The following MLIP variants were observed in gnomAD, a reference collection of about 807,000 sequenced individuals.
MLIP encodes the protein muscular LMNA-interacting protein.
MLIP carries 79 observed loss-of-function variants against 84.8 expected under a neutral mutation model. The ratio of observed to expected loss-of-function variants is 0.93; its 90% CI spans 0.78 to 1.12. The LOEUF (loss-of-function observed/expected upper bound fraction) is 1.12, where lower values mean the gene tolerates loss of function less well. MLIP is among the 50% of genes most tolerant of loss of function. The pLI is 0.00. For synonymous variants in MLIP, 504 were observed against 463.0 expected (o/e 1.09, Z -1.14); for missense variants, 1,257 against 1,160.6 (o/e 1.08, Z -1.21).
intron 1 of MLIP, among the ~76,000 whole-genome samples, chr6:54,030,319 AT>A (rs1049144775): frequency 8.5e-5 from 13 of 152,220 alleles, no homozygotes; most frequent in Non-Finnish European, 1.9e-4. Context: ...AGAGGTAAAA[AT>A]AAATGCTAAA....
intron 8 of MLIP, among the ~76,000 whole-genome samples, chr6:54,168,299 T>C (rs1160730417): frequency 2.0e-5 from 3 of 151,842 alleles, no homozygotes; most frequent in East Asian, 2.0e-4. Context: ...TTCTCAACAT[T>C]GATCATCTAA....
chr6:54,215,029 C>G (rs1190505204), intron 11 of MLIP: 2 of 690,610 alleles, frequency 2.9e-6, no homozygotes, highest in East Asian at 5.9e-5. Context: ...AGCTTAGATT[C>G]TAGTAAGTTC....
intron 12 of MLIP, among the ~76,000 whole-genome samples, chr6:54,239,382 A>AAT (rs941600506): frequency 5.7e-5 from 8 of 141,452 alleles, no homozygotes; most frequent in African/African-American, 2.3e-4. Context: ...ATATATATAT[A>AAT]ATATATATAT....
chr6:54,207,308 C>A (rs181792080), intron 11 of MLIP, among the ~76,000 whole-genome samples: 2 of 151,330 alleles, frequency 1.3e-5, no homozygotes, highest in East Asian at 3.9e-4. Flanking sequence ...TAGTATATAT[C>A]TTTTTTAAAA....
intron 1 of MLIP, among the ~76,000 whole-genome samples, chr6:54,116,183 C>T (rs1769904389): frequency 2.0e-5 from 3 of 151,910 alleles, no homozygotes; most frequent in Admixed American, 2.0e-4. Context: ...AAAAGGGTGG[C>T]AGGGATTGAA....
At chr6:54,116,624 C>T (rs1769945975) in intron 1 of MLIP, among the ~76,000 whole-genome samples, 1 of 152,118 alleles carries the variant, frequency 6.6e-6, no homozygotes, top group African/African-American at 2.4e-5. Flanking sequence ...TGAAGAAAGG[C>T]CCAGACCTGA....
At chr6:54,265,351 T>A (rs1783625943) in intron 13 of MLIP, among the ~76,000 whole-genome samples, 1 of 152,012 alleles carries the variant, frequency 6.6e-6, no homozygotes, top group African/African-American at 2.4e-5. Flanking sequence ...TTCAACCCTA[T>A]CATATAGGAA....
chr6:54,210,137 T>TCACCTCACCTCACCGCACCG (rs1554185042), intron 11 of MLIP, among the ~76,000 whole-genome samples: 53 of 151,804 alleles, frequency 3.5e-4, no homozygotes, highest in South Asian at 6.3e-4. Context: ...CCACCTCACC[T>TCACCTCACCTCACCGCACCG]CACCGCACCG....
intron 12 of MLIP, among the ~76,000 whole-genome samples, chr6:54,232,238 A>G (rs1318082588): frequency 1.3e-5 from 2 of 152,138 alleles, no homozygotes; most frequent in East Asian, 1.9e-4. Flanking sequence ...TTTCTTATAA[A>G]TTGTCATCTA....
chr6:54,077,443 C>T (rs1582086003), intron 1 of MLIP, among the ~76,000 whole-genome samples: 1 of 151,406 alleles, frequency 6.6e-6, no homozygotes, highest in Non-Finnish European at 1.5e-5. Context: ...CTAATTTAGA[C>T]CATTACTTGC....
intron 9 of MLIP, among the ~76,000 whole-genome samples, chr6:54,184,830 A>G (rs913892407): frequency 2.0e-5 from 3 of 152,166 alleles, no homozygotes; most frequent in Non-Finnish European, 1.5e-5. Flanking sequence ...TATGATTAAA[A>G]CAATGTCAAA....
At chr6:54,044,320 T>C (rs1764911166) in intron 1 of MLIP, among the ~76,000 whole-genome samples, 1 of 152,252 alleles carries the variant, frequency 6.6e-6, no homozygotes, top group Non-Finnish European at 1.5e-5. Flanking sequence ...CCTCCACTGA[T>C]GTGCCTTGAG....
chr6:54,252,458 A>G (rs1782695872), intron 12 of MLIP, among the ~76,000 whole-genome samples: 1 of 135,870 alleles, frequency 7.4e-6, no homozygotes, highest in South Asian at 2.2e-4. Context: ...AGTATATTAT[A>G]ACATATAATA....
chr6:54,168,997 A>G (rs975138630), intron 8 of MLIP, among the ~76,000 whole-genome samples: 1 of 151,642 alleles, frequency 6.6e-6, no homozygotes, highest in African/African-American at 2.4e-5. Context: ...AAGGTCAGTG[A>G]TTTGGAAGTC....
chr6:54,109,203 T>C (rs1022707664), upstream of MLIP, among the ~76,000 whole-genome samples: 1 of 124,690 alleles, frequency 8.0e-6, no homozygotes, highest in African/African-American at 3.0e-5. Flanking sequence ...TCAAGATCTT[T>C]GATGACCTAC....
chr6:54,150,148 A>C (rs1405704763), intron 5 of MLIP, among the ~76,000 whole-genome samples: 1 of 152,148 alleles, frequency 6.6e-6, no homozygotes, highest in Admixed American at 6.5e-5. Context: ...CTCTTATCTA[A>C]TAAGTAGGAA....
intron 3 of MLIP, among the ~76,000 whole-genome samples, chr6:54,129,271 A>G (rs995304127): frequency 1.3e-5 from 2 of 152,136 alleles, no homozygotes; most frequent in Non-Finnish European, 2.9e-5. Context: ...ACTTATTACA[A>G]TAGCCTTCAT....
chr6:54,022,123 G>T (rs1763529864), intron 1 of MLIP, among the ~76,000 whole-genome samples: 1 of 152,152 alleles, frequency 6.6e-6, no homozygotes, highest in South Asian at 2.1e-4. Context: ...CTCTGTTCCT[G>T]GGAATTCTGA....
At chr6:54,175,900 T>G (rs1476575583) in intron 9 of MLIP, among the ~76,000 whole-genome samples, 1 of 152,040 alleles carries the variant, frequency 6.6e-6, no homozygotes, top group Non-Finnish European at 1.5e-5. Context: ...TGTTTAGATA[T>G]ATTCCTTCTG....
Sources: gnomAD v4.1 joint callset for allele counts (sites outside exome capture counted in the v4.1 genomes callset) on GRCh38, gnomAD v4.1.1 for gene constraint, MANE v1.5 for transcripts, NCBI Gene and HGNC (gene_info 2026-07-23, HGNC 2026-07-21) for gene names.